The following TCERG1L variants were observed in gnomAD, a reference collection of about 807,000 sequenced individuals.
TCERG1L encodes the protein transcription elongation regulator 1-like protein.
In TCERG1L, 37 loss-of-function variants were observed where a neutral mutation model predicts 56.3. The observed-to-expected ratio is 0.66, with a 90% CI of 0.51 to 0.87. The LOEUF (loss-of-function observed/expected upper bound fraction) is 0.87. Ranked by LOEUF, TCERG1L falls within the 40% of genes least tolerant of loss-of-function variation. The pLI is 0.00. For synonymous variants in TCERG1L, 324 were observed against 326.3 expected (o/e 0.99, Z 0.08); for missense variants, 799 against 774.2 (o/e 1.03, Z -0.38).
chr10:131,294,564 A>C (rs1846668029), intron 3 of TCERG1L, among the ~76,000 whole-genome samples: 1 of 152,120 alleles, frequency 6.6e-6, no homozygotes. Flanking sequence ...TTTTAAGTCA[A>C]CACCACCAAC....
intron 3 of TCERG1L, among the ~76,000 whole-genome samples, chr10:131,296,905 A>G (rs1000287249): frequency 9.2e-5 from 14 of 152,230 alleles, no homozygotes; most frequent in African/African-American, 3.1e-4. Flanking sequence ...CCAGTAATAC[A>G]GGGGTACAAT....
intron 4 of TCERG1L, among the ~76,000 whole-genome samples, chr10:131,207,730 A>G (rs1845557095): frequency 6.6e-6 from 1 of 152,146 alleles, no homozygotes; most frequent in Admixed American, 6.5e-5. Flanking sequence ...GCTGAGGTCC[A>G]TGCGACCTCA....
At chr10:131,120,854 T>A (rs912270789) in intron 8 of TCERG1L, among the ~76,000 whole-genome samples, 6 of 152,060 alleles carry the variant, frequency 3.9e-5, no homozygotes, top group African/African-American at 1.4e-4. Flanking sequence ...CTTCCCTCCC[T>A]CTCCAGCTTG....
At chr10:131,109,487 T>C (rs1199878827) in intron 9 of TCERG1L, among the ~76,000 whole-genome samples, 1 of 152,128 alleles carries the variant, frequency 6.6e-6, no homozygotes, top group Non-Finnish European at 1.5e-5. Flanking sequence ...TCTGTGTCTG[T>C]GTCTGTGGCT....
chr10:131,274,035 C>T (rs894224668), intron 3 of TCERG1L, among the ~76,000 whole-genome samples: 44 of 152,192 alleles, frequency 2.9e-4, no homozygotes, highest in African/African-American at 7.7e-4. Flanking sequence ...GAGAGAGGAA[C>T]GGGGCCTGGG....
At chr10:131,160,964 G>A (rs1845971167) in intron 6 of TCERG1L, 1 of 152,332 alleles carries the variant, frequency 6.6e-6, no homozygotes, top group Non-Finnish European at 1.5e-5. Context: ...ACAGGGTCTT[G>A]GGGAACGTTT....
rs559932999 is a variant in TCERG1L at position 131,131,349 on chromosome 10, G to A, written c.1259+3030C>T. On this transcript the variant is annotated intron_variant, in intron 8 of 11. Transcript: ENST00000368642. ...AGAGTTATAAAGTCAGAAGACCAAA[G>A]ATCAAAGCAGGTCTGAACTATGAAA... 2.6e-5 allele frequency among the ~76,000 whole-genome samples: 4 copies of A among 152,254 alleles called. No individual in the cohort carries two copies. The East Asian group carries it at 7.7e-4, about 29-fold the overall frequency.
intron 3 of TCERG1L, among the ~76,000 whole-genome samples, chr10:131,266,353 T>C (rs937985410): frequency 3.9e-5 from 6 of 152,244 alleles, no homozygotes; most frequent in African/African-American, 1.2e-4. Context: ...TATTTTGTCC[T>C]CTTCCTATGA....
intron 6 of TCERG1L, among the ~76,000 whole-genome samples, chr10:131,149,041 G>A (rs887945611): frequency 6.6e-6 from 1 of 152,232 alleles, no homozygotes; most frequent in Admixed American, 6.5e-5. Flanking sequence ...AAACTTTCCA[G>A]CTCCAGCCCT....
chr10:131,231,089 A>G (rs10829953), intron 4 of TCERG1L, among the ~76,000 whole-genome samples: 17,333 of 150,944 alleles, frequency 0.11, 1,261 homozygotes, highest in Middle Eastern at 0.2. Flanking sequence ...GGCAGTGGCC[A>G]TGTTGGCCGG....
intron 3 of TCERG1L, among the ~76,000 whole-genome samples, chr10:131,279,629 G>C (rs1304439510): frequency 6.6e-6 from 1 of 152,210 alleles, no homozygotes; most frequent in Admixed American, 6.5e-5. Context: ...CTGCAATCCA[G>C]AAAAACAAAG....
At chr10:131,173,007 C>T (rs998761072) in intron 4 of TCERG1L, among the ~76,000 whole-genome samples, 16 of 151,310 alleles carry the variant, frequency 1.1e-4, no homozygotes, top group African/African-American at 3.4e-4. Flanking sequence ...TATCTTGCCT[C>T]GGCCTCCCGA....
intron 4 of TCERG1L, among the ~76,000 whole-genome samples, chr10:131,237,138 G>A (rs377252660): frequency 3.9e-5 from 6 of 152,004 alleles, no homozygotes; most frequent in African/African-American, 1.4e-4. Flanking sequence ...ACTCCTGACG[G>A]AGGCTTTCTG....
chr10:131,299,018 TATTAG>T (rs1313478107), intron 3 of TCERG1L, among the ~76,000 whole-genome samples: 13 of 152,364 alleles, frequency 8.5e-5, no homozygotes, highest in African/African-American at 2.4e-4. Context: ...GAATTTCTTT[TATTAG>T]ATTAAATTAT....
rs556974405 is a variant in TCERG1L at position 131,301,428 on chromosome 10, C to T, written c.670+6783G>A. On this transcript the variant is annotated intron_variant, in intron 3 of 11. Coordinates refer to ENST00000368642, the MANE Select transcript of TCERG1L (RefSeq NM_174937.4). Reference sequence around the variant, plus strand: ...AAATTAACAAATACTCACATATATCCTAAAGGATTAACAGAAATTGTTGAT... The same window carrying T: ...AAATTAACAAATACTCACATATATCTTAAAGGATTAACAGAAATTGTTGAT... Among the ~76,000 whole-genome samples the T allele has an allele frequency of 2.6e-5, 4 of 152,008 alleles. No individual in the cohort carries two copies. In the South Asian group the frequency reaches 8.3e-4, roughly 31 times the overall value.
Position 131,195,878 on chromosome 10 carries a change from G to A in TCERG1L, c.857-28993C>T, listed in dbSNP as rs137914985. ...TCTCCTGGCTCCATCCACACAAGGC[G>A]AGGCAAGCACAGCCCCTGCACCCTG... On this transcript the variant is annotated intron_variant, in intron 4 of 11. Coordinates refer to ENST00000368642, the MANE Select transcript of TCERG1L (RefSeq NM_174937.4). 3.8e-3 allele frequency among the ~76,000 whole-genome samples: 576 copies of A among 152,332 alleles called. 7 individuals are homozygous for A. The highest frequency in any genetic ancestry group is 0.013 in the African/African-American group (544 of 41,588).
At chr10:131,125,666 G>A (rs1845558076) in intron 8 of TCERG1L, among the ~76,000 whole-genome samples, 1 of 152,238 alleles carries the variant, frequency 6.6e-6, no homozygotes, top group Non-Finnish European at 1.5e-5. Context: ...GCCCCTGGGT[G>A]AGATGGGAGC....
At chr10:131,098,125 A>G (rs1360901305) in intron 11 of TCERG1L, among the ~76,000 whole-genome samples, 181 bp downstream of exon 11, 1 of 152,228 alleles carries the variant, frequency 6.6e-6, no homozygotes, top group Admixed American at 6.5e-5. Flanking sequence ...TTGGAGGCTC[A>G]TGACAGGCAG....
chr10:131,309,855 A>C (rs888373322), intron 1 of TCERG1L, among the ~76,000 whole-genome samples: 1 of 150,338 alleles, frequency 6.7e-6, no homozygotes, highest in Admixed American at 6.6e-5. Flanking sequence ...AAAAAAAAAA[A>C]AAAACTAAGC....
Sources: gnomAD v4.1 joint callset for allele counts (sites outside exome capture counted in the v4.1 genomes callset) on GRCh38, gnomAD v4.1.1 for gene constraint, MANE v1.5 for transcripts, NCBI Gene and HGNC (gene_info 2026-07-23, HGNC 2026-07-21) for gene names.